ZFPM1: variants seen among roughly 807,000 people sequenced by gnomAD.
ZFPM1 encodes the protein zinc finger protein, FOG family member 1, also known as zinc finger protein ZFPM1.
In ZFPM1, 28 loss-of-function variants were observed where a neutral mutation model predicts 46.3. That is an observed-to-expected ratio of 0.60 (90% CI 0.45 to 0.83). ZFPM1 has a LOEUF of 0.83. Ranked by LOEUF, ZFPM1 falls within the 40% of genes least tolerant of loss-of-function variation. The pLI is 0.00. For synonymous variants in ZFPM1, 957 were observed against 675.9 expected (o/e 1.42, Z -6.45); for missense variants, 1,878 against 1,432.4 (o/e 1.31, Z -5.02).
chr16:88,456,148 T>C (rs879628), intron 1 of ZFPM1, among the ~76,000 whole-genome samples: 69,839 of 152,042 alleles, frequency 0.46, 16,205 homozygotes, highest in South Asian at 0.56. Context: ...CACACTTAAT[T>C]GCCAAGAAGT....
At chr16:88,530,254 G>A (rs1912683559) in intron 6 of ZFPM1, among the ~76,000 whole-genome samples, 1 of 152,150 alleles carries the variant, frequency 6.6e-6, no homozygotes, top group Admixed American at 6.5e-5. Flanking sequence ...CCTCCAGCAG[G>A]GTCCTTGCCC....
At chr16:88,459,218 C>A (rs902176186) in intron 1 of ZFPM1, among the ~76,000 whole-genome samples, 9 of 152,226 alleles carry the variant, frequency 5.9e-5, no homozygotes, top group African/African-American at 1.9e-4. Flanking sequence ...CCACTCCCCG[C>A]TCAGGCCCAC....
In ZFPM1 at chr16:88,471,487, G is replaced by A. The variant is rs535447705; in HGVS notation, c.41-14452G>A. ...TCACAGTGGGGGATGCCAGGACCCCGAGACGACCATGCCCACAGTGGCTCC... is the reference window on the plus strand; with the variant it reads ...TCACAGTGGGGGATGCCAGGACCCCAAGACGACCATGCCCACAGTGGCTCC... On this transcript the variant is annotated intron_variant, in intron 1 of 9. Transcript: ENST00000319555. This position sits in a 1 kb window ranked among gnomAD's most constrained non-coding sequence, Gnocchi z 4.1. Among the ~76,000 whole-genome samples, 20 of 150,956 alleles carry A rather than the reference G, an allele frequency of 1.3e-4. No homozygotes were observed. Among genetic ancestry groups the A allele is most frequent in the Admixed American group, 2.6e-4 (4 of 15,218 alleles).
At chr16:88,467,840 A>G (rs1908208302) in intron 1 of ZFPM1, among the ~76,000 whole-genome samples, 1 of 152,146 alleles carries the variant, frequency 6.6e-6, no homozygotes, top group Non-Finnish European at 1.5e-5. Flanking sequence ...AGAAGAAAAG[A>G]GAACTTGATA....
intron 1 of ZFPM1, among the ~76,000 whole-genome samples, chr16:88,464,799 C>T (rs958563720): frequency 6.6e-6 from 1 of 152,032 alleles, no homozygotes; most frequent in Non-Finnish European, 1.5e-5. Context: ...CCCATTACTG[C>T]GCCAAGATGG....
At chr16:88,508,376 C>T (rs1205153161) in intron 3 of ZFPM1, among the ~76,000 whole-genome samples, 1 of 152,232 alleles carries the variant, frequency 6.6e-6, no homozygotes, top group Non-Finnish European at 1.5e-5. Context: ...GGTTTGTTCC[C>T]AGCCAGATCT....
In ZFPM1 at chr16:88,489,013, G is replaced by A. The variant is rs1242944907; in HGVS notation, c.146-18G>A. The A allele has an allele frequency of 3.7e-6, 6 of 1,609,292 alleles. No homozygotes were observed. Among genetic ancestry groups the A allele is most frequent in the Non-Finnish European group, 5.1e-6 (6 of 1,177,358 alleles). On this transcript the variant is annotated intron_variant, in intron 2 of 9. Coordinates refer to ENST00000319555, the MANE Select transcript of ZFPM1 (RefSeq NM_153813.3). ...CCCGGCACTCAGCAGGGATGTGACG[G>A]TGTTTTCCTCTCTGCAGATGTTAAC...
At chr16:88,524,504 C>T (rs1212033176) in intron 4 of ZFPM1, among the ~76,000 whole-genome samples, 3 of 152,160 alleles carry the variant, frequency 2.0e-5, no homozygotes, top group Admixed American at 6.5e-5. Flanking sequence ...GCACCTTTCT[C>T]GGGGCAGCCA....
Position 88,532,213 on chromosome 16 carries a change from G to A in ZFPM1, c.924G>A (p.Glu308=), listed in dbSNP as rs1052407387. 12 of 1,607,134 alleles carry A rather than the reference G, an allele frequency of 7.5e-6. No homozygotes were observed. The highest frequency in any genetic ancestry group is 1.0e-5 in the Non-Finnish European group (12 of 1,176,010). Residue 308 remains glutamate, a synonymous_variant, in exon 7 of 10, where the codon GAG becomes GAA. Coordinates refer to ENST00000319555, the MANE Select transcript of ZFPM1 (RefSeq NM_153813.3). ...GCTGCCCCAGCGCCAGCTCCCTGGA[G>A]ATCCACATGCGCAGCCACAGCGGTG... ...RKSCPSASSL[E]IHMRSHSGER...
intron 1 of ZFPM1, among the ~76,000 whole-genome samples, chr16:88,485,671 C>G (rs551891397): frequency 6.6e-6 from 1 of 152,246 alleles, no homozygotes; most frequent in East Asian, 1.9e-4. Context: ...AACTCCTGGA[C>G]TCAAGCAATC....
Position 88,461,245 on chromosome 16 carries a change from C to T in ZFPM1, c.40+7567C>T, listed in dbSNP as rs1316581045. Among the ~76,000 whole-genome samples the T allele has an allele frequency of 7.9e-5, 8 of 101,690 alleles. 2 individuals are homozygous for T. Among genetic ancestry groups the T allele is most frequent in the Non-Finnish European group, 1.2e-4 (6 of 51,376 alleles). The allele number at this position is 101,690 out of a possible 152,430, so 66.7% of individuals were successfully genotyped here. ...GCCTGGTGAGGACCCAGGGGTGGGG[C>T]GGGAGGCCCTGGTGAGGACCGACGG... On this transcript the variant is annotated intron_variant, in intron 1 of 9. Coordinates refer to ENST00000319555, the MANE Select transcript of ZFPM1 (RefSeq NM_153813.3).
At chr16:88,523,787 T>C (rs932339265) in intron 4 of ZFPM1, among the ~76,000 whole-genome samples, 1 of 152,080 alleles carries the variant, frequency 6.6e-6, no homozygotes, top group Non-Finnish European at 1.5e-5. Flanking sequence ...GTCTCCTACC[T>C]GTTCCCTCCC....
intron 3 of ZFPM1, among the ~76,000 whole-genome samples, chr16:88,506,239 T>G (rs11865982): frequency 5.4e-5 from 3 of 55,206 alleles, no homozygotes; most frequent in Admixed American, 3.6e-4. Flanking sequence ...GAGACCAGGG[T>G]AGGGTTGGGG....
chr16:88,452,939 G>A (rs1250900670), upstream of ZFPM1, among the ~76,000 whole-genome samples: 2 of 152,152 alleles, frequency 1.3e-5, no homozygotes, highest in East Asian at 1.9e-4. Context: ...GAGGCTAGAG[G>A]TCTCCCCGGG....
chr16:88,494,449 C>T (rs988306574), intron 3 of ZFPM1, among the ~76,000 whole-genome samples: 12 of 152,058 alleles, frequency 7.9e-5, no homozygotes, highest in Non-Finnish European at 1.2e-4. Flanking sequence ...GACGCCCGGC[C>T]GGGGTGAGAG....
At chr16:88,473,831 T>C (rs1427729889) in intron 1 of ZFPM1, among the ~76,000 whole-genome samples, 1 of 152,160 alleles carries the variant, frequency 6.6e-6, no homozygotes, top group Non-Finnish European at 1.5e-5. Flanking sequence ...CTTCACCCTG[T>C]GCGGTGGTCC....
At position 88,534,674 on chromosome 16, in the gene ZFPM1, C is replaced by T. The variant is rs555135252; in HGVS notation, c.2716C>T (p.Pro906Ser). The change falls in exon 10 of 10, where the codon CCC becomes TCC. Residue 906 changes from proline (P) to serine (S), a missense_variant. Physicochemically the swap from Pro to Ser is moderately conservative, Grantham distance 74 (BLOSUM62 -1). Transcript: ENST00000319555. The part of the protein sequence containing the change: ...ADRGPSPAPA[P>S]AASPQPGSRG... Reference sequence around the variant, plus strand: ...CCGCGGCCCCTCGCCCGCTCCCGCCCCCGCCGCCTCCCCGCAGCCCGGGTC... The same window carrying T: ...CCGCGGCCCCTCGCCCGCTCCCGCCTCCGCCGCCTCCCCGCAGCCCGGGTC... 213 of 993,052 alleles carry T rather than the reference C, an allele frequency of 2.1e-4. No homozygotes were observed. In the East Asian group the frequency reaches 9.7e-3, roughly 45 times the overall value. 61.5% of individuals were successfully genotyped at this position (993,052 alleles called of 1,614,324 possible).
chr16:88,502,467 C>T (rs915205669), intron 3 of ZFPM1, among the ~76,000 whole-genome samples: 2 of 152,142 alleles, frequency 1.3e-5, no homozygotes, highest in African/African-American at 2.4e-5. Flanking sequence ...CCCTGTGGGC[C>T]GCCCGGGGCC....
At chr16:88,485,391 A>C (rs535939328) in intron 1 of ZFPM1, among the ~76,000 whole-genome samples, 1 of 150,370 alleles carries the variant, frequency 6.7e-6, no homozygotes, top group Non-Finnish European at 1.5e-5. Context: ...GCGACCCTGC[A>C]GCTTTGGAAA....
Sources: allele counts gnomAD v4.1 joint callset (sites outside exome capture counted in the v4.1 genomes callset), GRCh38; gene constraint gnomAD v4.1.1; non-coding constraint Gnocchi (gnomAD v3.1); transcripts MANE v1.5; gene names NCBI Gene and HGNC (gene_info 2026-07-23, HGNC 2026-07-21).